SMC6: variants seen among roughly 807,000 people sequenced by gnomAD.
SMC6 encodes structural maintenance of chromosomes protein 6.
Under a neutral mutation model 142.2 loss-of-function variants are expected in SMC6, and 79 were observed. The observed-to-expected ratio is 0.56, with a 90% confidence interval of 0.46 to 0.67. The LOEUF is 0.67. SMC6 is among the 30% of genes least tolerant of loss of function. The pLI is 0.00. For missense variants in SMC6, 1,072 were observed against 1,284.0 expected (o/e 0.83, Z 2.52); for synonymous variants, 411 against 412.4 (o/e 1.00, Z 0.04).
chr2:17,742,520 C>T (rs1275466757), intron 3 of SMC6, among the ~76,000 whole-genome samples: 1 of 152,162 alleles, frequency 6.6e-6, no homozygotes, highest in Non-Finnish European at 1.5e-5. Context: ...TAGTCACTTG[C>T]ACTTTGTAGT....
chr2:17,669,987 G>A (rs546000380), intron 26 of SMC6, among the ~76,000 whole-genome samples: 38 of 152,278 alleles, frequency 2.5e-4, no homozygotes, highest in Non-Finnish European at 5.3e-4. Context: ...GTTCTTGCTC[G>A]CTTATGTTCT....
chr2:17,702,327 T>TA (rs1558346261), intron 19 of SMC6, among the ~76,000 whole-genome samples: 2 of 152,156 alleles, frequency 1.3e-5, no homozygotes, highest in African/African-American at 4.8e-5. Flanking sequence ...TAAAAACAAT[T>TA]AGACATTATT....
chr2:17,726,384 C>T lies in SMC6; in HGVS notation c.624+5G>A. The T allele has an allele frequency of 6.2e-7, 1 of 1,606,576 alleles. No individual in the cohort carries two copies. The highest frequency in any genetic ancestry group is 8.5e-7 in the Non-Finnish European group (1 of 1,176,204). On this transcript the variant is annotated splice_donor_5th_base_variant and intron_variant, in intron 8 of 27. Transcript: ENST00000448223. ...TGGGTTTATATTTACTTTGGTGCCA[C>T]TTACTTTGTATTTGTCTCCTTCATT...
At chr2:17,698,308 TTGAG>T (rs1470070596) in intron 21 of SMC6, among the ~76,000 whole-genome samples, 1 of 152,090 alleles carries the variant, frequency 6.6e-6, no homozygotes, top group Non-Finnish European at 1.5e-5. Context: ...TTAGATCCTG[TTGAG>T]TTTTTCTATA....
chr2:17,719,651 G>A (rs1669273676), intron 11 of SMC6, among the ~76,000 whole-genome samples: 1 of 151,962 alleles, frequency 6.6e-6, no homozygotes, highest in Non-Finnish European at 1.5e-5. Flanking sequence ...GAGAATTGAG[G>A]GTGAGAAGAG....
At chr2:17,693,562 C>T (rs1388064171) in intron 23 of SMC6, among the ~76,000 whole-genome samples, 1 of 151,740 alleles carries the variant, frequency 6.6e-6, no homozygotes, top group Non-Finnish European at 1.5e-5. Context: ...GGGGGAGGGA[C>T]AGCATTAGGA....
At chr2:17,692,868 AAAC>A (rs749003244) in intron 23 of SMC6, among the ~76,000 whole-genome samples, 2 of 152,208 alleles carry the variant, frequency 1.3e-5, no homozygotes, top group Non-Finnish European at 2.9e-5. Flanking sequence ...AGAAAAAAAC[AAAC>A]AACCCCATCA....
intron 9 of SMC6, 26 bp from the exon 10 acceptor site, chr2:17,721,287 G>A (rs762660224): frequency 2.0e-5 from 31 of 1,527,088 alleles, no homozygotes; most frequent in Admixed American, 9.6e-5. Context: ...CAGAACGGAC[G>A]TATTTTTTAT....
intron 7 of SMC6, among the ~76,000 whole-genome samples, chr2:17,729,782 A>G (rs1669817914): frequency 6.6e-6 from 1 of 152,198 alleles, no homozygotes; most frequent in Non-Finnish European, 1.5e-5. Context: ...CAGCAGGCAC[A>G]TTTGCTACGT....
chr2:17,702,051 A>C (rs933531692), intron 19 of SMC6, 142 bp from the exon 20 acceptor site: 5 of 557,714 alleles, frequency 9.0e-6, no homozygotes, highest in Admixed American at 6.8e-5. Flanking sequence ...ATTAGTATTA[A>C]ATCAACCAAA....
intron 18 of SMC6, 73 bp downstream of exon 18, chr2:17,707,146 G>C: frequency 1.6e-6 from 2 of 1,228,340 alleles, no homozygotes; most frequent in Non-Finnish European, 2.2e-6. Context: ...ACCACTAAAA[G>C]AGTAATATGA....
At chr2:17,706,377 T>G (rs1213195978) in intron 18 of SMC6, among the ~76,000 whole-genome samples, 3 of 152,208 alleles carry the variant, frequency 2.0e-5, no homozygotes, top group Non-Finnish European at 4.4e-5. Flanking sequence ...TATTGCTAAT[T>G]GTTTTACTAA....
chr2:17,718,251 T>C (rs761998407), intron 11 of SMC6, 28 bp from the exon 12 acceptor site: 1 of 1,508,492 alleles, frequency 6.6e-7, no homozygotes, highest in Admixed American at 2.1e-5. Flanking sequence ...TATTGAAGTA[T>C]ATTTTTTCTT....
At chr2:17,696,756 C>T (rs578086329) in intron 21 of SMC6, among the ~76,000 whole-genome samples, 2 of 152,138 alleles carry the variant, frequency 1.3e-5, no homozygotes, top group Non-Finnish European at 2.9e-5. Flanking sequence ...AAAAAGGATA[C>T]CTGGTTTTAA....
At chr2:17,707,912 T>C (rs1298958722) in intron 17 of SMC6, among the ~76,000 whole-genome samples, 1 of 151,694 alleles carries the variant, frequency 6.6e-6, no homozygotes, top group East Asian at 1.9e-4. Flanking sequence ...CAACAACGCT[T>C]CATTATTTTT....
At chr2:17,696,216 A>G (rs1278895509) in intron 22 of SMC6, 73 bp downstream of exon 22, 1 of 1,526,350 alleles carries the variant, frequency 6.6e-7, no homozygotes, top group African/African-American at 1.4e-5. Flanking sequence ...GAAACATGAC[A>G]TTAGGGAAAA....
intron 4 of SMC6, chr2:17,740,604 C>T (rs1251903563): frequency 3.1e-6 from 1 of 319,922 alleles, no homozygotes; most frequent in African/African-American, 2.3e-5. Context: ...CTGTTAATCC[C>T]AGCACTCTGC....
intron 27 of SMC6, among the ~76,000 whole-genome samples, chr2:17,666,034 C>A (rs1191780155): frequency 6.6e-6 from 1 of 152,180 alleles, no homozygotes; most frequent in East Asian, 1.9e-4. Flanking sequence ...TACTGACTGA[C>A]AGCAGAGTAG....
chr2:17,684,718 T>C (rs1018788877), intron 23 of SMC6, among the ~76,000 whole-genome samples: 2 of 152,100 alleles, frequency 1.3e-5, no homozygotes, highest in Admixed American at 6.6e-5. Flanking sequence ...TCCCAGCTAC[T>C]CAGGAGGGTG....
Sources: gnomAD v4.1 joint callset for allele counts (sites outside exome capture counted in the v4.1 genomes callset) on GRCh38, gnomAD v4.1.1 for gene constraint, MANE v1.5 for transcripts, NCBI Gene and HGNC (gene_info 2026-07-23, HGNC 2026-07-21) for gene names.